Variants in SOX5 observed in about 807,000 individuals in gnomAD.
The protein encoded by SOX5 is SRY-box transcription factor 5, also known as transcription factor SOX-5.
A neutral mutation model predicts 92.0 loss-of-function variants in SOX5; 9 were observed. The ratio of observed to expected loss-of-function variants is 0.10; its 90% confidence interval spans 0.06 to 0.17. SOX5 has a LOEUF of 0.17. Ranked by LOEUF, SOX5 falls within the 10% of genes least tolerant of loss-of-function variation. SOX5 has a pLI of 1.00. For missense variants in SOX5, 642 were observed against 944.5 expected, an observed-to-expected ratio of 0.68 and a Z score of 4.20; for synonymous variants, 344 against 336.3, an observed-to-expected ratio of 1.02 and a Z score of -0.25.
At chr12:23,954,160 T>C (rs1480519363), upstream of SOX5, among the ~76,000 whole-genome samples, 1 of 152,050 alleles carries the variant, frequency 6.6e-6, no homozygotes, top group Non-Finnish European at 1.5e-5. Flanking sequence ...TCTTCTATTT[T>C]AATACCTGAA....
chr12:23,706,352 A>C (rs543645573), intron 6 of SOX5, among the ~76,000 whole-genome samples: 3 of 152,116 alleles, frequency 2.0e-5, no homozygotes, highest in Non-Finnish European at 4.4e-5. Context: ...TAAATCCAAC[A>C]AATAAGATAT....
At chr12:23,996,669 G>A (rs1350340354) in intron 4 of SOX5, among the ~76,000 whole-genome samples, 2 of 152,188 alleles carry the variant, frequency 1.3e-5, no homozygotes. Context: ...ATGTACATGA[G>A]CCTCCAAAGC....
At chr12:23,757,039 T>C (rs199935764) in intron 3 of SOX5, among the ~76,000 whole-genome samples, 2 of 151,864 alleles carry the variant, frequency 1.3e-5, no homozygotes, top group East Asian at 3.9e-4. Context: ...AGTAACAATA[T>C]GGAACACTTC....
At chr12:23,948,422 C>T (rs1172864990) in intron 1 of SOX5, among the ~76,000 whole-genome samples, 1 of 151,768 alleles carries the variant, frequency 6.6e-6, no homozygotes, top group Non-Finnish European at 1.5e-5. Context: ...CTTTTTTCGT[C>T]TTTTCATATC....
At chr12:23,568,777 A>G (rs1203609521) in intron 10 of SOX5, among the ~76,000 whole-genome samples, 2 of 152,058 alleles carry the variant, frequency 1.3e-5, no homozygotes, top group Non-Finnish European at 2.9e-5. Flanking sequence ...CTTTCATGAA[A>G]GCCACCTGAT....
At chr12:23,957,161 C>G (rs1173682944) in intron 4 of SOX5, among the ~76,000 whole-genome samples, 1 of 152,090 alleles carries the variant, frequency 6.6e-6, no homozygotes, top group Non-Finnish European at 1.5e-5. Flanking sequence ...GCCTTCTAAA[C>G]TATGGCATAA....
chr12:24,068,747 T>TATATAC (rs1405470591), intron 4 of SOX5, among the ~76,000 whole-genome samples: 70 of 71,548 alleles, frequency 9.8e-4, no homozygotes, highest in Admixed American at 3.4e-3. Flanking sequence ...TATATATATA[T>TATATAC]ACACACACAC....
In SOX5 at chr12:24,432,665, A is replaced by G. The variant is rs867426796; in HGVS notation, c.-250-64026T>C. Among the ~76,000 whole-genome samples the G allele has an allele frequency of 2.6e-5, 4 of 152,258 alleles. No individual in the cohort carries two copies. In the South Asian group the frequency reaches 8.3e-4, roughly 32 times the overall value. On this transcript the variant is annotated intron_variant, in intron 1 of 4. Transcript: ENST00000446891. ...TGTCTCTACTAAAAATACAAAAATT[A>G]GCTGGGTGTGGTGGCACACACCTGT...
intron 2 of SOX5, among the ~76,000 whole-genome samples, chr12:24,347,925 G>A (rs1213614500): frequency 6.6e-6 from 1 of 151,712 alleles, no homozygotes; most frequent in Non-Finnish European, 1.5e-5. Context: ...ATGCTTTGAA[G>A]TACTTTCAAG....
chr12:23,646,699 T>C (rs957705848), intron 7 of SOX5, among the ~76,000 whole-genome samples: 1 of 152,230 alleles, frequency 6.6e-6, no homozygotes, highest in Non-Finnish European at 1.5e-5. Context: ...TCATCAGAAG[T>C]AGAATTAATT....
chr12:23,999,972 T>C (rs544183439), intron 4 of SOX5, among the ~76,000 whole-genome samples: 1 of 151,966 alleles, frequency 6.6e-6, no homozygotes, highest in South Asian at 2.1e-4. Flanking sequence ...TATAAACACA[T>C]TTATTTTCTA....
At chr12:24,241,865 G>C (rs1435813532) in intron 3 of SOX5, among the ~76,000 whole-genome samples, 1 of 152,062 alleles carries the variant, frequency 6.6e-6, no homozygotes, top group Non-Finnish European at 1.5e-5. Context: ...TTAAATTTGT[G>C]ACTGTAATTA....
At position 23,623,905 on chromosome 12, in the gene SOX5, C is replaced by T. The variant is rs533240770; in HGVS notation, c.1017+16907G>A. 7.2e-5 allele frequency among the ~76,000 whole-genome samples: 11 copies of T among 152,078 alleles called. No individual in the cohort carries two copies. The East Asian group carries it at 7.7e-4, about 11-fold the overall frequency. On this transcript the variant is annotated intron_variant, in intron 8 of 14. Coordinates refer to ENST00000451604, the MANE Select transcript of SOX5 (RefSeq NM_006940.6). ...TATATCCAATATTCATAACAGCATT[C>T]GTCATAATAGCCCAAAGGTAGAAAT...
intron 4 of SOX5, among the ~76,000 whole-genome samples, chr12:24,091,174 C>A (rs1425225592): frequency 6.6e-6 from 1 of 152,100 alleles, no homozygotes; most frequent in Non-Finnish European, 1.5e-5. Flanking sequence ...GACTTCTCAG[C>A]AGAATACACC....
At chr12:24,283,087 C>T (rs1284386615) in intron 2 of SOX5, among the ~76,000 whole-genome samples, 1 of 152,146 alleles carries the variant, frequency 6.6e-6, no homozygotes, top group African/African-American at 2.4e-5. Context: ...GAGAACGTGC[C>T]GTAGTCTTAA....
At chr12:24,511,694 C>T (rs1384911583) in intron 1 of SOX5, among the ~76,000 whole-genome samples, 2 of 152,086 alleles carry the variant, frequency 1.3e-5, no homozygotes, top group Non-Finnish European at 2.9e-5. Flanking sequence ...CGCAGTGGCT[C>T]ACGTCTGTAA....
chr12:24,241,845 A>T (rs1020821849), intron 3 of SOX5, among the ~76,000 whole-genome samples: 1 of 152,214 alleles, frequency 6.6e-6, no homozygotes, highest in African/African-American at 2.4e-5. Context: ...CATGAAAATT[A>T]ATCAGCCACT....
chr12:24,448,656 T>C (rs1832746879), intron 1 of SOX5, among the ~76,000 whole-genome samples: 1 of 152,222 alleles, frequency 6.6e-6, no homozygotes. Context: ...CTATACCTTA[T>C]TCACTTTTAA....
chr12:23,982,409 T>C (rs1949657227), intron 4 of SOX5, among the ~76,000 whole-genome samples: 1 of 152,192 alleles, frequency 6.6e-6, no homozygotes, highest in African/African-American at 2.4e-5. Flanking sequence ...TTTCTTTTTG[T>C]GTAAGTATAT....
Sources: allele counts gnomAD v4.1 joint callset (sites outside exome capture counted in the v4.1 genomes callset), GRCh38; gene constraint gnomAD v4.1.1; transcripts MANE v1.5; gene names NCBI Gene and HGNC (gene_info 2026-07-23, HGNC 2026-07-21).